SCFD2: variants seen among roughly 807,000 people sequenced by gnomAD.
SCFD2 encodes the protein sec1 family domain-containing protein 2.
Under a neutral mutation model 58.9 loss-of-function variants are expected in SCFD2, and 54 were observed. The ratio of observed to expected loss-of-function variants is 0.92; its 90% CI spans 0.74 to 1.15. SCFD2 has a LOEUF of 1.15. Ranked by LOEUF, SCFD2 falls within the 50% of genes most tolerant of loss-of-function variation. SCFD2 has a pLI of 0.00. For synonymous variants in SCFD2, 321 were observed against 335.9 expected (o/e 0.96, Z 0.49); for missense variants, 805 against 836.6 (o/e 0.96, Z 0.47).
At chr4:53,146,110 A>G (rs899322826) in intron 4 of SCFD2, among the ~76,000 whole-genome samples, 2 of 152,218 alleles carry the variant, frequency 1.3e-5, no homozygotes, top group East Asian at 3.8e-4. Flanking sequence ...GATGAATAAA[A>G]TACAGAATCA....
At chr4:53,324,936 CAAAT>C (rs905082246) in intron 2 of SCFD2, among the ~76,000 whole-genome samples, 17 of 152,240 alleles carry the variant, frequency 1.1e-4, no homozygotes, top group African/African-American at 3.4e-4. Context: ...ATGTCTTAGT[CAAAT>C]AAGGCCTAGG....
At chr4:53,230,045 G>C (rs576465589) in intron 4 of SCFD2, among the ~76,000 whole-genome samples, 1 of 152,340 alleles carries the variant, frequency 6.6e-6, no homozygotes, top group South Asian at 2.1e-4. Context: ...CTGGCCATCA[G>C]AGAATGCAAA....
At chr4:53,001,575 C>T (rs1433010072) in intron 5 of SCFD2, among the ~76,000 whole-genome samples, 1 of 152,164 alleles carries the variant, frequency 6.6e-6, no homozygotes, top group Non-Finnish European at 1.5e-5. Context: ...TAGTTTTCCA[C>T]ATGAAAGGTA....
chr4:52,885,448 GT>G (rs1267312451), intron 8 of SCFD2, among the ~76,000 whole-genome samples: 3 of 152,180 alleles, frequency 2.0e-5, no homozygotes, highest in Non-Finnish European at 4.4e-5. Flanking sequence ...AAAGAACAGA[GT>G]TTCCATTTAA....
At chr4:53,289,231 T>C (rs897655232) in intron 3 of SCFD2, among the ~76,000 whole-genome samples, 1 of 152,042 alleles carries the variant, frequency 6.6e-6, no homozygotes, top group Non-Finnish European at 1.5e-5. Flanking sequence ...CCAGGCATGG[T>C]GGCAGGCGCC....
intron 2 of SCFD2, among the ~76,000 whole-genome samples, chr4:53,345,845 G>A (rs759935901): frequency 6.6e-6 from 1 of 150,974 alleles, no homozygotes; most frequent in African/African-American, 2.4e-5. Flanking sequence ...ACTATCACAA[G>A]GGCAGAAAAC....
chr4:53,136,140 G>C (rs759971438), intron 5 of SCFD2, among the ~76,000 whole-genome samples: 1 of 152,174 alleles, frequency 6.6e-6, no homozygotes, highest in Non-Finnish European at 1.5e-5. Flanking sequence ...AAGCACACAT[G>C]AATCAGTAAA....
At chr4:53,302,207 A>C (rs1732334461) in intron 3 of SCFD2, among the ~76,000 whole-genome samples, 1 of 152,150 alleles carries the variant, frequency 6.6e-6, no homozygotes, top group Non-Finnish European at 1.5e-5. Context: ...AAAACCCATC[A>C]TCTGAGCCCA....
chr4:53,187,192 A>G (rs2148954356), intron 4 of SCFD2, among the ~76,000 whole-genome samples: 1 of 152,196 alleles, frequency 6.6e-6, no homozygotes, highest in African/African-American at 2.4e-5. Flanking sequence ...ACAAATGAGA[A>G]AAACATGAGA....
At chr4:52,970,178 G>A (rs1322239861) in intron 5 of SCFD2, among the ~76,000 whole-genome samples, 2 of 152,200 alleles carry the variant, frequency 1.3e-5, no homozygotes, top group Admixed American at 6.5e-5. Flanking sequence ...GTGCTGGACA[G>A]TGGGTGCAGC....
intron 5 of SCFD2, among the ~76,000 whole-genome samples, chr4:53,021,986 A>C (rs1317242579): frequency 6.6e-6 from 1 of 152,178 alleles, no homozygotes; most frequent in Non-Finnish European, 1.5e-5. Context: ...CCTGGTGTGA[A>C]AAATGAGGAG....
At chr4:53,168,422 T>C (rs930866480) in intron 4 of SCFD2, among the ~76,000 whole-genome samples, 4 of 151,944 alleles carry the variant, frequency 2.6e-5, no homozygotes, top group Non-Finnish European at 5.9e-5. Flanking sequence ...CTCAAACCCA[T>C]GAAACACAAA....
chr4:53,257,709 T>C (rs1029871578), intron 4 of SCFD2, among the ~76,000 whole-genome samples: 3 of 152,222 alleles, frequency 2.0e-5, no homozygotes, highest in African/African-American at 7.2e-5. Flanking sequence ...CTTCCTAATG[T>C]GTAAAGAGCA....
At chr4:53,198,034 G>A (rs190512021) in intron 4 of SCFD2, among the ~76,000 whole-genome samples, 44 of 152,080 alleles carry the variant, frequency 2.9e-4, no homozygotes, top group Non-Finnish European at 1.0e-4. Context: ...AAAATTCTGG[G>A]AGTTTGCGGA....
chr4:53,259,644 C>A lies in SCFD2; in HGVS notation c.1311+14182G>T, dbSNP rs369987472. Among the ~76,000 whole-genome samples the A allele has an allele frequency of 4.6e-5, 7 of 152,210 alleles. No individual in the cohort carries two copies. In the East Asian group the frequency reaches 5.8e-4, roughly 13 times the overall value. On this transcript the variant is annotated intron_variant, in intron 4 of 8. Coordinates refer to ENST00000401642, the MANE Select transcript of SCFD2 (RefSeq NM_152540.4). ...ATGGACTTATAGTATAGTTTGAATTCGGGTAATGTGATGCCTCCAGATTTG... is the reference window on the plus strand; with the variant it reads ...ATGGACTTATAGTATAGTTTGAATTAGGGTAATGTGATGCCTCCAGATTTG...
chr4:53,268,420 C>A (rs1187239516), intron 4 of SCFD2, among the ~76,000 whole-genome samples: 1 of 152,062 alleles, frequency 6.6e-6, no homozygotes, highest in Non-Finnish European at 1.5e-5. Flanking sequence ...GAAGCAGCAG[C>A]CCTGCATGGG....
At chr4:53,061,274 G>A (rs1723501562) in intron 5 of SCFD2, among the ~76,000 whole-genome samples, 1 of 152,114 alleles carries the variant, frequency 6.6e-6, no homozygotes. Flanking sequence ...CTTACTCTGT[G>A]CTAGATGCAT....
chr4:53,065,881 G>T (rs1020066194), intron 5 of SCFD2, among the ~76,000 whole-genome samples: 2 of 151,936 alleles, frequency 1.3e-5, no homozygotes, highest in Non-Finnish European at 2.9e-5. Context: ...GCTGACTGAG[G>T]TTTAAAAAAG....
At chr4:52,962,257 T>C (rs1208216375) in intron 5 of SCFD2, among the ~76,000 whole-genome samples, 1 of 152,204 alleles carries the variant, frequency 6.6e-6, no homozygotes, top group African/African-American at 2.4e-5. Flanking sequence ...GATTTGGCAC[T>C]GAAGGGAGCT....
Sources: allele counts gnomAD v4.1 joint callset (sites outside exome capture counted in the v4.1 genomes callset), GRCh38; gene constraint gnomAD v4.1.1; transcripts MANE v1.5; gene names NCBI Gene and HGNC (gene_info 2026-07-23, HGNC 2026-07-21).